Variants in ASIC2 observed in about 807,000 individuals in gnomAD.
ASIC2 encodes the protein acid sensing ion channel subunit 2.
A neutral mutation model predicts 57.3 loss-of-function variants in ASIC2; 25 were observed. The observed-to-expected ratio is 0.44, with a 90% CI of 0.32 to 0.61. The LOEUF (loss-of-function observed/expected upper bound fraction) is 0.61, where lower values mean the gene tolerates loss of function less well. Ranked by LOEUF, ASIC2 falls within the 20% of genes least tolerant of loss-of-function variation. The probability of loss-of-function intolerance (pLI) is 0.06; values close to 1 mark genes in which losing one functional copy is unlikely to be tolerated. For synonymous variants in ASIC2, 319 were observed against 307.5 expected, an observed-to-expected ratio of 1.04 and a Z score of -0.39; for missense variants, 641 against 738.1, an observed-to-expected ratio of 0.87 and a Z score of 1.52.
At chr17:33,359,054 G>C (rs904161739) in intron 1 of ASIC2, among the ~76,000 whole-genome samples, 7 of 152,228 alleles carry the variant, frequency 4.6e-5, no homozygotes, top group Non-Finnish European at 1.0e-4. Flanking sequence ...CAATGGAAGA[G>C]AAAGAAGGTT....
At chr17:33,854,720 G>A (rs937323778) in intron 1 of ASIC2, among the ~76,000 whole-genome samples, 6 of 152,126 alleles carry the variant, frequency 3.9e-5, no homozygotes, top group African/African-American at 1.4e-4. Context: ...CCTTAATGAT[G>A]TGTGTGCACA....
intron 1 of ASIC2, among the ~76,000 whole-genome samples, chr17:33,217,502 C>T (rs1907540179): frequency 1.3e-5 from 2 of 152,194 alleles, no homozygotes; most frequent in Non-Finnish European, 2.9e-5. Context: ...GAGCCCGGAG[C>T]CTGAGTCTTT....
At chr17:33,817,003 C>T (rs1003751986) in intron 1 of ASIC2, among the ~76,000 whole-genome samples, 6 of 152,262 alleles carry the variant, frequency 3.9e-5, no homozygotes, top group Non-Finnish European at 7.3e-5. Flanking sequence ...TGAGCTCACA[C>T]CGCCTGGCAG....
At chr17:33,276,543 T>C (rs1389432408) in intron 1 of ASIC2, among the ~76,000 whole-genome samples, 1 of 152,216 alleles carries the variant, frequency 6.6e-6, no homozygotes, top group Non-Finnish European at 1.5e-5. Flanking sequence ...CACCTGTCAT[T>C]GTCACATTTA....
chr17:33,236,852 G>A (rs980896829), intron 1 of ASIC2, among the ~76,000 whole-genome samples: 3 of 152,176 alleles, frequency 2.0e-5, no homozygotes, highest in South Asian at 2.1e-4. Context: ...GCAGCCACCA[G>A]AAGCTGGAAA....
At chr17:33,514,620 C>A (rs1435455127) in intron 1 of ASIC2, among the ~76,000 whole-genome samples, 1 of 152,196 alleles carries the variant, frequency 6.6e-6, no homozygotes, top group Non-Finnish European at 1.5e-5. Context: ...GGCATTTCCC[C>A]AGTGACCAAG....
chr17:33,252,286 C>T (rs540535861), intron 1 of ASIC2, among the ~76,000 whole-genome samples: 6 of 152,256 alleles, frequency 3.9e-5, no homozygotes, highest in African/African-American at 1.4e-4. Flanking sequence ...CATTTATTTG[C>T]TGCTGCTTTT....
intron 1 of ASIC2, among the ~76,000 whole-genome samples, chr17:33,786,253 A>G (rs887069905): frequency 2.6e-5 from 4 of 152,158 alleles, no homozygotes; most frequent in African/African-American, 9.7e-5. Context: ...CCTTTCTGGT[A>G]ATGGACAGGG....
intron 1 of ASIC2, among the ~76,000 whole-genome samples, chr17:33,904,016 A>G (rs1915287202): frequency 6.6e-6 from 1 of 151,800 alleles, no homozygotes; most frequent in African/African-American, 2.4e-5. Context: ...ATACAAAATT[A>G]GCTGGGTGTG....
chr17:33,371,332 G>T (rs899590530), intron 1 of ASIC2, among the ~76,000 whole-genome samples: 2 of 152,160 alleles, frequency 1.3e-5, no homozygotes, highest in Non-Finnish European at 2.9e-5. Context: ...AGATGGAGTC[G>T]CTCTGGTTCA....
intron 1 of ASIC2, among the ~76,000 whole-genome samples, chr17:33,155,629 G>A (rs1320751930): frequency 6.9e-6 from 1 of 145,514 alleles, no homozygotes; most frequent in Non-Finnish European, 1.5e-5. Context: ...GCAGGATCTC[G>A]GATCACTGCA....
At chr17:33,452,776 T>TGTGTGTGA (rs927088214) in intron 1 of ASIC2, among the ~76,000 whole-genome samples, 4 of 151,270 alleles carry the variant, frequency 2.6e-5, no homozygotes, top group Admixed American at 6.6e-5. Context: ...TGTGTGTGTG[T>TGTGTGTGA]GATAGCCTTT....
chr17:33,161,867 T>TC, intron 1 of ASIC2, among the ~76,000 whole-genome samples: 3 of 77,372 alleles, frequency 3.9e-5, no homozygotes, highest in Non-Finnish European at 8.3e-5. Context: ...GTTTTTTTTT[T>TC]TTTTTTTTTT....
chr17:33,827,026 T>C (rs954152196), intron 1 of ASIC2, among the ~76,000 whole-genome samples: 12 of 152,174 alleles, frequency 7.9e-5, no homozygotes, highest in African/African-American at 2.7e-4. Context: ...TGAAAGCATA[T>C]AGTTTGTTGA....
chr17:33,243,812 A>G (rs1908596965), intron 1 of ASIC2, among the ~76,000 whole-genome samples: 2 of 152,214 alleles, frequency 1.3e-5, no homozygotes, highest in Admixed American at 1.3e-4. Context: ...GAAGAATTCC[A>G]TATACCCATT....
At chr17:33,177,355 G>A (rs1905801840) in intron 1 of ASIC2, among the ~76,000 whole-genome samples, 1 of 152,216 alleles carries the variant, frequency 6.6e-6, no homozygotes, top group Non-Finnish European at 1.5e-5. Flanking sequence ...GTTACAATGA[G>A]CAAAGGAAAC....
intron 1 of ASIC2, among the ~76,000 whole-genome samples, chr17:33,553,498 T>C (rs1409202472): frequency 9.5e-6 from 1 of 105,216 alleles, no homozygotes; most frequent in East Asian, 4.0e-4. Flanking sequence ...TTATTACTAT[T>C]ATTATTATTA....
intron 1 of ASIC2, among the ~76,000 whole-genome samples, chr17:33,782,005 C>G (rs1454578850): frequency 6.6e-6 from 1 of 152,132 alleles, no homozygotes; most frequent in Non-Finnish European, 1.5e-5. Context: ...TCCAATCTGG[C>G]CTCTTGCAAT....
chr17:33,354,208 G>A (rs1448021994), intron 1 of ASIC2, among the ~76,000 whole-genome samples: 1 of 152,084 alleles, frequency 6.6e-6, no homozygotes, highest in African/African-American at 2.4e-5. Flanking sequence ...AATTCAAGAT[G>A]ACATTTGGCT....
Sources: allele counts gnomAD v4.1 joint callset (sites outside exome capture counted in the v4.1 genomes callset), GRCh38; gene constraint gnomAD v4.1.1; transcripts MANE v1.5; gene names NCBI Gene and HGNC (gene_info 2026-07-23, HGNC 2026-07-21).